Variants in RYK observed in about 807,000 individuals in gnomAD.
RYK encodes inactive tyrosine-protein kinase RYK.
In RYK, 21 loss-of-function variants were observed where a neutral mutation model predicts 70.2. That is an observed-to-expected ratio of 0.30 (90% CI 0.21 to 0.43). The LOEUF (loss-of-function observed/expected upper bound fraction) is 0.43, where lower values mean the gene tolerates loss of function less well. Ranked by LOEUF, RYK falls within the 20% of genes least tolerant of loss-of-function variation. The pLI is 1.00. For missense variants in RYK, 604 were observed against 753.3 expected (o/e 0.80, Z 2.32); for synonymous variants, 267 against 278.0 (o/e 0.96, Z 0.39).
At chr3:134,193,372 A>G (rs373061326) in intron 7 of RYK, among the ~76,000 whole-genome samples, 15 of 152,160 alleles carry the variant, frequency 9.9e-5, no homozygotes, top group African/African-American at 3.1e-4. Context: ...TTTAGTAGAG[A>G]TGGGGTTTCA....
chr3:134,187,721 CTTT>C (rs77809666), intron 9 of RYK, among the ~76,000 whole-genome samples: 2 of 136,908 alleles, frequency 1.5e-5, no homozygotes, highest in African/African-American at 2.7e-5. Context: ...CACCCAGCTA[CTTT>C]TTTTTTTTTT....
At chr3:134,239,867 T>C (rs1022830005) in intron 1 of RYK, among the ~76,000 whole-genome samples, 3 of 152,204 alleles carry the variant, frequency 2.0e-5, no homozygotes, top group African/African-American at 7.2e-5. Flanking sequence ...TGAGCCTCTC[T>C]GGGGAATTGA....
chr3:134,220,609 A>C (rs930693705), intron 2 of RYK, among the ~76,000 whole-genome samples: 1 of 152,232 alleles, frequency 6.6e-6, no homozygotes. Flanking sequence ...AAATAAGGCC[A>C]CAAGTGCACA....
At chr3:134,227,389 C>G (rs2014940102) in intron 1 of RYK, among the ~76,000 whole-genome samples, 3 of 152,110 alleles carry the variant, frequency 2.0e-5, no homozygotes, top group African/African-American at 7.2e-5. Context: ...TAATCAAAAT[C>G]TCAATAGATT....
rs34101853 is a variant in RYK, at chr3:134,241,172, C to CAA, written c.232+9249_232+9250dup. Among the ~76,000 whole-genome samples, 465 of 118,042 alleles carry CAA rather than the reference C, an allele frequency of 3.9e-3. 1 individual carries two copies. Among genetic ancestry groups the CAA allele is most frequent in the African/African-American group, 7.9e-3 (244 of 30,748 alleles). 77.4% of individuals were successfully genotyped at this position (118,042 alleles called of 152,430 possible). ...CAACATGGTGAAACGCCATCTCTAC[C>CAA]AAAAAAAAAAAAAAAAAGATACAAA... On this transcript the variant is annotated intron_variant, in intron 1 of 14. Coordinates refer to ENST00000623711, the MANE Select transcript of RYK (RefSeq NM_002958.4).
chr3:134,176,118 T>G, intron 11 of RYK, 79 bp from the exon 12 acceptor site: 1 of 815,384 alleles, frequency 1.2e-6, no homozygotes, highest in Non-Finnish European at 2.0e-6. Flanking sequence ...TATTCCACAA[T>G]CCTACTCCAT....
At chr3:134,201,518 TA>T (rs1210491638) in intron 6 of RYK, among the ~76,000 whole-genome samples, 1 of 151,958 alleles carries the variant, frequency 6.6e-6, no homozygotes, top group Non-Finnish European at 1.5e-5. Context: ...CAATAACTGC[TA>T]CGAGAGAGAG....
chr3:134,242,955 G>T (rs565287619), intron 1 of RYK, among the ~76,000 whole-genome samples: 1 of 152,098 alleles, frequency 6.6e-6, no homozygotes, highest in Non-Finnish European at 1.5e-5. Flanking sequence ...CCACCAAAAC[G>T]CCTAGGGTTA....
intron 1 of RYK, among the ~76,000 whole-genome samples, chr3:134,244,676 T>TATA (rs1356874550): frequency 6.6e-6 from 1 of 152,178 alleles, no homozygotes; most frequent in Non-Finnish European, 1.5e-5. Context: ...TTTCAGAACT[T>TATA]ATACACTTCC....
At chr3:134,214,107 G>A (rs950971523) in intron 2 of RYK, among the ~76,000 whole-genome samples, 5 of 151,986 alleles carry the variant, frequency 3.3e-5, no homozygotes, top group African/African-American at 7.3e-5. Flanking sequence ...GCGCCCGGCC[G>A]AAGCTCACAG....
At chr3:134,226,561 A>T (rs1392926551) in intron 1 of RYK, among the ~76,000 whole-genome samples, 2 of 152,168 alleles carry the variant, frequency 1.3e-5, no homozygotes, top group Non-Finnish European at 2.9e-5. Context: ...AAATTACAGA[A>T]CAACATCCCT....
At chr3:134,201,421 A>G (rs1295709351) in intron 6 of RYK, among the ~76,000 whole-genome samples, 1 of 152,194 alleles carries the variant, frequency 6.6e-6, no homozygotes, top group African/African-American at 2.4e-5. Context: ...TGACTCAACA[A>G]TGAGTAAGAC....
intron 1 of RYK, among the ~76,000 whole-genome samples, chr3:134,247,550 A>G (rs2015496540): frequency 6.6e-6 from 1 of 152,098 alleles, no homozygotes; most frequent in African/African-American, 2.4e-5. Flanking sequence ...TAAAAATACA[A>G]AATTAGCTGG....
chr3:134,250,355 C>T, intron 1 of RYK, 68 bp downstream of exon 1: 1 of 1,041,152 alleles, frequency 9.6e-7, no homozygotes, highest in Non-Finnish European at 1.3e-6. Context: ...GCAGACTGAT[C>T]CGCCGGCGGC....
chr3:134,230,563 A>T (rs2015027344), intron 1 of RYK, among the ~76,000 whole-genome samples: 2 of 152,236 alleles, frequency 1.3e-5, no homozygotes, highest in Non-Finnish European at 2.9e-5. Context: ...GAAACTACAC[A>T]AGAGAGTATA....
At chr3:134,167,954 G>T (rs1249614276) in intron 13 of RYK, among the ~76,000 whole-genome samples, 1 of 152,102 alleles carries the variant, frequency 6.6e-6, no homozygotes, top group Non-Finnish European at 1.5e-5. Flanking sequence ...TCAAAGAGTG[G>T]GCAAAGGATA....
chr3:134,204,591 C>CCACACACACACACACACA (rs59154111), intron 5 of RYK, among the ~76,000 whole-genome samples: 4 of 140,692 alleles, frequency 2.8e-5, no homozygotes, highest in African/African-American at 1.1e-4. Context: ...ACAGCCACAG[C>CCACACACACACACACACA]CACACACACA....
intron 2 of RYK, among the ~76,000 whole-genome samples, chr3:134,217,833 T>C (rs1005890367): frequency 6.6e-6 from 1 of 152,222 alleles, no homozygotes; most frequent in African/African-American, 2.4e-5. Flanking sequence ...TTTAAATTTT[T>C]ACTATGTGCA....
intron 1 of RYK, among the ~76,000 whole-genome samples, chr3:134,237,946 T>C (rs1316277990): frequency 4.6e-5 from 7 of 152,162 alleles, no homozygotes. Flanking sequence ...CCAATATCAC[T>C]TAACATGTAT....
Sources: gnomAD v4.1 joint callset for allele counts (sites outside exome capture counted in the v4.1 genomes callset) on GRCh38, gnomAD v4.1.1 for gene constraint, MANE v1.5 for transcripts, NCBI Gene and HGNC (gene_info 2026-07-23, HGNC 2026-07-21) for gene names.